EIF4G1: variants seen among roughly 807,000 people sequenced by gnomAD.
EIF4G1 encodes EIF4-gamma.
In EIF4G1, 4 loss-of-function variants were observed where a neutral mutation model predicts 187.8. The ratio of observed to expected loss-of-function variants is 0.02; its 90% CI spans 0.01 to 0.05. The LOEUF is 0.05. EIF4G1 is among the 10% of genes least tolerant of loss of function. The pLI, the probability that EIF4G1 is intolerant of heterozygous loss-of-function variation, is 1.00. For missense variants in EIF4G1, 1,647 were observed against 2,081.1 expected (o/e 0.79, Z 4.06); for synonymous variants, 844 against 781.4 (o/e 1.08, Z -1.34).
At chr3:184,322,130 A>AG (rs1485049322) in intron 10 of EIF4G1, 27 bp downstream of exon 10, 1 of 1,613,908 alleles carries the variant, frequency 6.2e-7, no homozygotes, top group East Asian at 2.2e-5. Flanking sequence ...CGGTAGAGGT[A>AG]GGGCGGGCTA....
At chr3:184,319,461 G>T (rs1432987555) in intron 6 of EIF4G1, among the ~76,000 whole-genome samples, 3 of 15,404 alleles carry the variant, frequency 1.9e-4, no homozygotes, top group Non-Finnish European at 3.7e-4. Context: ...GTGTGTGTGT[G>T]TGTGTTTGTG....
chr3:184,316,253 G>GA, intron 4 of EIF4G1, 35 bp downstream of exon 4: 1 of 1,611,772 alleles, frequency 6.2e-7, no homozygotes, highest in Non-Finnish European at 8.5e-7. Flanking sequence ...AGGGGACCTG[G>GA]GTGGGAGCAG....
intron 7 of EIF4G1, 116 bp from the exon 8 acceptor site, chr3:184,320,514 T>C: frequency 6.3e-7 from 1 of 1,580,596 alleles, no homozygotes. Context: ...TTCTGGCACC[T>C]ACCTACCTGC....
intron 31 of EIF4G1, 37 bp from the exon 32 acceptor site, chr3:184,331,909 A>G: frequency 1.2e-6 from 2 of 1,614,004 alleles, no homozygotes; most frequent in Non-Finnish European, 1.7e-6. Context: ...AACCGGGGTA[A>G]GGGTATATTG....
chr3:184,324,335 T>C lies in EIF4G1; in HGVS notation c.2607T>C (p.Asp869=), dbSNP rs1724440481. 2.5e-6 allele frequency: 4 copies of C among 1,614,098 alleles called. No individual in the cohort carries two copies. The highest frequency in any genetic ancestry group is 2.2e-5 in the East Asian group (1 of 44,902). ...TTGAGAAGAAGCAAAAAGAGATGGATGAAGCTGCTACGGTGAGAGAAAACC... is the reference window on the plus strand; with the variant it reads ...TTGAGAAGAAGCAAAAAGAGATGGACGAAGCTGCTACGGTGAGAGAAAACC... ...EVFEKKQKEM[D]EAATAEERGR... The change falls in exon 17 of 33, where the codon GAT becomes GAC. Residue 869 remains aspartate (D), a synonymous_variant. Transcript: ENST00000346169.
At chr3:184,328,477 G>A in intron 26 of EIF4G1, 154 bp from the exon 27 acceptor site, 1 of 1,055,292 alleles carries the variant, frequency 9.5e-7, no homozygotes. Flanking sequence ...AACCATCTAA[G>A]GACACAGAGG....
Position 184,322,580 on chromosome 3 carries a change from C to T in EIF4G1, c.1645C>T (p.Pro549Ser), listed in dbSNP as rs1432964675. 1 of 1,614,142 alleles carries T rather than the reference C, an allele frequency of 6.2e-7. No individual in the cohort carries two copies. Among genetic ancestry groups the T allele is most frequent in the Non-Finnish European group, 8.5e-7 (1 of 1,180,040 alleles). Residue 549 changes from proline (P) to serine (S), a missense_variant, in exon 12 of 33, where the codon CCT (proline) becomes TCT (serine). Pro to Ser is a moderately conservative substitution (Grantham distance 74). Coordinates refer to ENST00000346169, the MANE Select transcript of EIF4G1 (RefSeq NM_198241.3). Reference sequence around the variant, plus strand: ...AGTACCAGAGGTGGAAAATCAGCCTCCTGCAGGCAGCAATCCAGGCCCAGA... The same window carrying T: ...AGTACCAGAGGTGGAAAATCAGCCTTCTGCAGGCAGCAATCCAGGCCCAGA... ...PAVPEVENQPPAGSNPGPESE... is the reference protein window; with the variant it reads ...PAVPEVENQPSAGSNPGPESE...
At position 184,316,661 on chromosome 3, in the gene EIF4G1, C is replaced by T. The variant is rs1021534037; in HGVS notation, c.147+443C>T. On this transcript the variant is annotated intron_variant, in intron 4 of 32. Coordinates refer to ENST00000346169, the MANE Select transcript of EIF4G1 (RefSeq NM_198241.3). Reference sequence around the variant, plus strand: ...TCTTATTGCCTTCATTCCCTCCCCCCGCCATCACCTTGGGGGTAATTCTCT... The same window carrying T: ...TCTTATTGCCTTCATTCCCTCCCCCTGCCATCACCTTGGGGGTAATTCTCT... The T allele has an allele frequency of 1.5e-5, 24 of 1,550,758 alleles. No individual in the cohort carries two copies. In the African/African-American group the frequency reaches 1.6e-4, roughly 11 times the overall value.
chr3:184,316,878 A>C (rs1722892848), intron 4 of EIF4G1: 1 of 858,202 alleles, frequency 1.2e-6, no homozygotes, highest in Non-Finnish European at 1.9e-6. Flanking sequence ...CGAGTGATGC[A>C]TGTTAGGGGC....
rs1309622046 is a variant in EIF4G1 at position 184,315,916 on chromosome 3, T to C, written c.60+60T>C. On this transcript the variant is annotated intron_variant, in intron 3 of 32. Transcript: ENST00000346169. ...GGGAGACCAGGCAGTCTCCAGCCTC[T>C]GGATCTTCCTACCCCCATCTGTGTC... The C allele has an allele frequency of 8.9e-6, 13 of 1,463,302 alleles. 1 individual carries two copies. In the South Asian group the frequency reaches 1.5e-4, roughly 17 times the overall value. 90.6% of individuals were successfully genotyped at this position (1,463,302 alleles called of 1,614,324 possible).
At chr3:184,318,666 A>C (rs1255106247) in intron 6 of EIF4G1, among the ~76,000 whole-genome samples, 3 of 152,168 alleles carry the variant, frequency 2.0e-5, no homozygotes, top group Non-Finnish European at 2.9e-5. Flanking sequence ...ATGTAGTCGC[A>C]CAGTCTTGGC....
At chr3:184,317,612 G>T (rs1280930864) in intron 5 of EIF4G1, 105 bp from the exon 6 acceptor site, 10 of 1,537,150 alleles carry the variant, frequency 6.5e-6, no homozygotes, top group Non-Finnish European at 8.1e-6. Context: ...TCTGGTCATT[G>T]CCCAGAGTTG....
intron 1 of EIF4G1, 122 bp from the exon 2 acceptor site, chr3:184,315,367 G>A (rs989679979): frequency 1.1e-5 from 6 of 522,434 alleles, no homozygotes; most frequent in Non-Finnish European, 2.3e-5. Context: ...GGGACGCCAC[G>A]GCCGAAGCAG....
chr3:184,316,402 T>G (rs2108459427), intron 4 of EIF4G1, among the ~76,000 whole-genome samples, 184 bp downstream of exon 4: 1 of 152,276 alleles, frequency 6.6e-6, no homozygotes, highest in East Asian at 1.9e-4. Context: ...GATAGTATGT[T>G]GTCAATGAGG....
At position 184,328,558 on chromosome 3, in the gene EIF4G1, G is replaced by C. The variant is rs1725418270; in HGVS notation, c.3954-73G>C. On this transcript the variant is annotated intron_variant, in intron 26 of 32. Coordinates refer to ENST00000346169, the MANE Select transcript of EIF4G1 (RefSeq NM_198241.3). The stretch of plus-strand genomic sequence containing the variant: ...TGGGGGTTCCATAGTTGATGCCCTA[G>C]CCATGCCACGTTGCCCCAGAAGGAG... 6 of 1,608,562 alleles carry C rather than the reference G, an allele frequency of 3.7e-6. No individual in the cohort carries two copies. In the South Asian group the frequency reaches 6.6e-5, roughly 18 times the overall value.
chr3:184,321,057 G>A lies in EIF4G1; in HGVS notation c.697+64G>A. 4.4e-6 allele frequency: 7 copies of A among 1,580,506 alleles called. No homozygotes were observed. In the South Asian group the frequency reaches 5.7e-5, roughly 13 times the overall value. On this transcript the variant is annotated intron_variant, in intron 9 of 32. Transcript: ENST00000346169. The stretch of plus-strand genomic sequence containing the variant: ...GGAATGTTAACAGTTAAATGCTGAG[G>A]TGGTGGAGTGACTTGAACTGGGTAC...
intron 25 of EIF4G1, 21 bp from the exon 26 acceptor site, chr3:184,327,809 G>A (rs1279340531): frequency 6.2e-7 from 1 of 1,613,944 alleles, no homozygotes; most frequent in Non-Finnish European, 8.5e-7. Context: ...GTCTCTTCCT[G>A]CTGTGCCCTG....
In EIF4G1 at chr3:184,323,693, A is replaced by G; in HGVS notation, c.2275-87A>G. Reference sequence around the variant, plus strand: ...TTTGTCCTTATCACTAGCATCTGTCATGCCTAAGTCCCCACCACCCTCTCC... The same window carrying G: ...TTTGTCCTTATCACTAGCATCTGTCGTGCCTAAGTCCCCACCACCCTCTCC... On this transcript the variant is annotated intron_variant, in intron 15 of 32. Coordinates refer to ENST00000346169, the MANE Select transcript of EIF4G1 (RefSeq NM_198241.3). This position sits in a 1 kb window ranked among gnomAD's most constrained non-coding sequence, Gnocchi z 6.9. The G allele has an allele frequency of 1.2e-6, 2 of 1,609,940 alleles. No homozygotes were observed. The highest frequency in any genetic ancestry group is 1.7e-6 in the Non-Finnish European group (2 of 1,178,206).
intron 21 of EIF4G1, 124 bp from the exon 22 acceptor site, chr3:184,326,403 A>G (rs1359687579): frequency 2.0e-6 from 2 of 983,902 alleles, no homozygotes; most frequent in Non-Finnish European, 3.2e-6. Flanking sequence ...CTGGCCCTTT[A>G]TTAAAAAAGA....
Sources: gnomAD v4.1 joint callset for allele counts (sites outside exome capture counted in the v4.1 genomes callset) on GRCh38, gnomAD v4.1.1 for gene constraint, Gnocchi (gnomAD v3.1) non-coding constraint, MANE v1.5 for transcripts, NCBI Gene and HGNC (gene_info 2026-07-23, HGNC 2026-07-21) for gene names.